MYO1D: variants seen among roughly 807,000 people sequenced by gnomAD.
MYO1D encodes myosin ID.
MYO1D carries 83 observed loss-of-function variants against 122.0 expected under a neutral mutation model. The observed-to-expected ratio is 0.68, with a 90% CI of 0.57 to 0.82. The LOEUF is 0.82. Ranked by LOEUF, MYO1D falls within the 40% of genes least tolerant of loss-of-function variation. The pLI, the probability that MYO1D is intolerant of heterozygous loss-of-function variation, is 0.00. For synonymous variants in MYO1D, 464 were observed against 446.9 expected (o/e 1.04, Z -0.48); for missense variants, 1,157 against 1,269.5 (o/e 0.91, Z 1.35).
intron 21 of MYO1D, among the ~76,000 whole-genome samples, chr17:32,545,252 C>T (rs1251035369): frequency 2.6e-5 from 4 of 152,216 alleles, no homozygotes; most frequent in African/African-American, 9.7e-5. Context: ...ACAGCCTCTC[C>T]AGGGCTCAGT....
At chr17:32,674,267 T>G (rs2088771101) in intron 16 of MYO1D, among the ~76,000 whole-genome samples, 1 of 152,242 alleles carries the variant, frequency 6.6e-6, no homozygotes, top group South Asian at 2.1e-4. Context: ...GTTCTTCACC[T>G]GTACACTGAG....
rs1204007335 is a variant in MYO1D at position 32,636,697 on chromosome 17, A to G, written c.2709+2025T>C. ...AAGTTTACTCCTGCAGGGAAGCTCT[A>G]GGAGATGGTGTGAGACAGCCTGGAA... is the stretch of plus-strand genomic sequence containing the variant. On this transcript the variant is annotated intron_variant, in intron 20 of 21. Transcript: ENST00000318217. Among the ~76,000 whole-genome samples, 4 of 152,242 alleles carry G rather than the reference A, an allele frequency of 2.6e-5. No individual in the cohort carries two copies. The South Asian group carries it at 6.2e-4, about 24-fold the overall frequency.
chr17:32,544,579 C>G (rs1024747187), intron 21 of MYO1D, among the ~76,000 whole-genome samples: 3 of 152,162 alleles, frequency 2.0e-5, no homozygotes, highest in African/African-American at 7.2e-5. Flanking sequence ...TTAGAGAATA[C>G]TAGCAATCTT....
intron 21 of MYO1D, among the ~76,000 whole-genome samples, chr17:32,522,461 T>C (rs1910178833): frequency 6.6e-6 from 1 of 152,196 alleles, no homozygotes; most frequent in Admixed American, 6.5e-5. Flanking sequence ...TTACAATGAG[T>C]TAAAGCATTA....
chr17:32,686,409 T>C (rs1461612574), intron 16 of MYO1D: 2 of 152,230 alleles, frequency 1.3e-5, no homozygotes, highest in Non-Finnish European at 2.9e-5. Flanking sequence ...GACATTCTGA[T>C]TTTGGCCCAG....
intron 21 of MYO1D, among the ~76,000 whole-genome samples, chr17:32,541,129 C>G (rs1021844270): frequency 5.9e-5 from 9 of 152,094 alleles, no homozygotes; most frequent in Non-Finnish European, 7.4e-5. Flanking sequence ...AAACTTATAT[C>G]CACAAGTTCA....
At chr17:32,676,054 C>CT (rs1032234072) in intron 16 of MYO1D, among the ~76,000 whole-genome samples, 32 of 151,938 alleles carry the variant, frequency 2.1e-4, no homozygotes, top group African/African-American at 7.0e-4. Flanking sequence ...GATGTTTTCT[C>CT]TTTTTTTTGG....
chr17:32,654,648 A>C (rs756231212), intron 17 of MYO1D, 27 bp from the exon 18 acceptor site: 2 of 1,550,032 alleles, frequency 1.3e-6, no homozygotes, highest in Non-Finnish European at 1.7e-6. Context: ...AACATGTATT[A>C]GACTTTAGAA....
intron 21 of MYO1D, among the ~76,000 whole-genome samples, chr17:32,565,363 C>T (rs1159017107): frequency 6.6e-6 from 1 of 152,196 alleles, no homozygotes; most frequent in African/African-American, 2.4e-5. Flanking sequence ...TTCCTTGTAG[C>T]AACGAAAGGC....
At chr17:32,801,077 C>T (rs1472939915) in intron 1 of MYO1D, among the ~76,000 whole-genome samples, 1 of 152,092 alleles carries the variant, frequency 6.6e-6, no homozygotes, top group Non-Finnish European at 1.5e-5. Flanking sequence ...TTCAATCTTG[C>T]TCATTTAAGC....
intron 16 of MYO1D, among the ~76,000 whole-genome samples, chr17:32,694,352 G>C (rs1368396264): frequency 6.6e-6 from 1 of 152,144 alleles, no homozygotes. Context: ...TGCCAGACTA[G>C]GTGGGCACTT....
chr17:32,554,670 G>A (rs1406402450), intron 21 of MYO1D, among the ~76,000 whole-genome samples: 1 of 152,100 alleles, frequency 6.6e-6, no homozygotes, highest in Non-Finnish European at 1.5e-5. Context: ...TGCAAGTAGT[G>A]TAAATGGTCT....
intron 16 of MYO1D, among the ~76,000 whole-genome samples, chr17:32,705,674 C>T (rs997511276): frequency 5.3e-5 from 8 of 152,126 alleles, no homozygotes; most frequent in Admixed American, 1.3e-4. Flanking sequence ...TCTCTAAGAA[C>T]GATAAATTTT....
At chr17:32,822,572 T>C (rs1055159519) in intron 1 of MYO1D, among the ~76,000 whole-genome samples, 2 of 140,592 alleles carry the variant, frequency 1.4e-5, no homozygotes, top group Non-Finnish European at 3.2e-5. Context: ...CCGGGGAGCG[T>C]GGGTGGGAAC....
intron 3 of MYO1D, among the ~76,000 whole-genome samples, chr17:32,777,810 T>C (rs1028805472): frequency 2.0e-5 from 3 of 152,058 alleles, no homozygotes; most frequent in Admixed American, 2.0e-4. Flanking sequence ...GGCCGGTGCC[T>C]GTAGTCCCAG....
chr17:32,761,146 C>T (rs1270660156), intron 8 of MYO1D, among the ~76,000 whole-genome samples: 1 of 152,172 alleles, frequency 6.6e-6, no homozygotes, highest in African/African-American at 2.4e-5. Flanking sequence ...CACACTAAGC[C>T]ACACATGGAC....
intron 16 of MYO1D, among the ~76,000 whole-genome samples, chr17:32,674,159 G>GT (rs2088768932): frequency 6.6e-6 from 1 of 152,210 alleles, no homozygotes; most frequent in Admixed American, 6.5e-5. Flanking sequence ...CTGGCACTGT[G>GT]TGGGGGTGGA....
Position 32,778,638 on chromosome 17 carries a change from T to C in MYO1D, c.305-65A>G, listed in dbSNP as rs894370503. 7 of 1,336,582 alleles carry C rather than the reference T, an allele frequency of 5.2e-6. No individual in the cohort carries two copies. In the African/African-American group the frequency reaches 5.9e-5, roughly 11 times the overall value. The allele number at this position is 1,336,582 out of a possible 1,614,324, so 82.8% of individuals were successfully genotyped here. ...AAACCAAGAGTAAGCTAATTTTTAA[T>C]AGAATAATTTAAAAATCTGATACTG... On this transcript the variant is annotated intron_variant, in intron 2 of 21. Coordinates refer to ENST00000318217, the MANE Select transcript of MYO1D (RefSeq NM_015194.3).
At chr17:32,860,315 G>C (rs560954608) in intron 1 of MYO1D, among the ~76,000 whole-genome samples, 2 of 152,292 alleles carry the variant, frequency 1.3e-5, no homozygotes, top group African/African-American at 4.8e-5. Context: ...AGTTTGGTCT[G>C]GTTTTCTTTT....
Sources: allele counts gnomAD v4.1 joint callset (sites outside exome capture counted in the v4.1 genomes callset), GRCh38; gene constraint gnomAD v4.1.1; transcripts MANE v1.5; gene names NCBI Gene and HGNC (gene_info 2026-07-23, HGNC 2026-07-21).